DOCK7: variants seen among roughly 807,000 people sequenced by gnomAD.
The protein encoded by DOCK7 is dedicator of cytokinesis 7.
In DOCK7, 138 loss-of-function variants were observed where a neutral mutation model predicts 271.0. That is an observed-to-expected ratio of 0.51 (90% CI 0.44 to 0.59). DOCK7 has a LOEUF of 0.59. DOCK7 is among the 20% of genes least tolerant of loss of function. The pLI is 0.00. For missense variants in DOCK7, 2,066 were observed against 2,592.4 expected (o/e 0.80, Z 4.41); for synonymous variants, 823 against 876.1 (o/e 0.94, Z 1.07).
intron 16 of DOCK7, among the ~76,000 whole-genome samples, chr1:62,580,267 A>G (rs981907041): frequency 2.0e-5 from 3 of 152,188 alleles, no homozygotes; most frequent in African/African-American, 7.2e-5. Flanking sequence ...TTGATAATAA[A>G]CAAGAAAGAT....
chr1:62,654,683 A>AAAT (rs1170076717), intron 2 of DOCK7, among the ~76,000 whole-genome samples: 4 of 152,224 alleles, frequency 2.6e-5, no homozygotes. Flanking sequence ...AAAAAATAAA[A>AAAT]AATAAAACAG....
At chr1:62,625,424 A>G (rs996191194) in intron 11 of DOCK7, 23 bp from the exon 12 acceptor site, 2 of 1,567,004 alleles carry the variant, frequency 1.3e-6, no homozygotes, top group Admixed American at 3.9e-5. Flanking sequence ...TAAAAAAAAA[A>G]TTCATTTTCA....
At chr1:62,463,763 A>G (rs1480593389) in intron 48 of DOCK7, among the ~76,000 whole-genome samples, 1 of 152,176 alleles carries the variant, frequency 6.6e-6, no homozygotes. Context: ...TAGAACTATA[A>G]AGACAAGAAA....
intron 2 of DOCK7, among the ~76,000 whole-genome samples, chr1:62,660,873 A>G (rs1239902303): frequency 6.6e-6 from 1 of 152,176 alleles, no homozygotes; most frequent in Non-Finnish European, 1.5e-5. Context: ...GAGGCCAAAG[A>G]GGATCACTTG....
At chr1:62,518,745 C>T (rs1644752515) in intron 31 of DOCK7, among the ~76,000 whole-genome samples, 1 of 150,976 alleles carries the variant, frequency 6.6e-6, no homozygotes, top group Admixed American at 6.6e-5. Flanking sequence ...TTCTCAACAA[C>T]AGCAACAACA....
At chr1:62,648,358 A>G in intron 5 of DOCK7, 40 bp from the exon 6 acceptor site, 4 of 1,427,730 alleles carry the variant, frequency 2.8e-6, no homozygotes, top group Non-Finnish European at 3.7e-6. Context: ...ATTAATTAAT[A>G]AATTGACAAC....
intron 44 of DOCK7, among the ~76,000 whole-genome samples, chr1:62,476,811 A>G (rs1645981828): frequency 6.6e-6 from 1 of 152,256 alleles, no homozygotes. Flanking sequence ...GGTAATTTTT[A>G]TAATTGAGTA....
At chr1:62,536,371 A>T (rs1369925741) in intron 28 of DOCK7, among the ~76,000 whole-genome samples, 1 of 152,244 alleles carries the variant, frequency 6.6e-6, no homozygotes, top group African/African-American at 2.4e-5. Context: ...TTCTATGAGC[A>T]TTTCCTGGCT....
In DOCK7 at chr1:62,644,729, T is replaced by C. The variant is rs149905496; in HGVS notation, c.818+2962A>G. Among the ~76,000 whole-genome samples the C allele has an allele frequency of 6.6e-5, 10 of 152,324 alleles. No homozygotes were observed. The East Asian group carries it at 1.9e-3, about 29-fold the overall frequency. ...ATGTAAGAGAAATGATTTTCAAAAA[T>C]ATATCAGTTTCTATAGTTAGCTAAA... On this transcript the variant is annotated intron_variant, in intron 7 of 49. Coordinates refer to ENST00000635253, the MANE Select transcript of DOCK7 (RefSeq NM_001367561.1).
chr1:62,658,733 T>C (rs1157350540), intron 2 of DOCK7, among the ~76,000 whole-genome samples: 1 of 151,982 alleles, frequency 6.6e-6, no homozygotes, highest in Non-Finnish European at 1.5e-5. Context: ...GTGGATCGAC[T>C]GAGCTCAGGA....
intron 12 of DOCK7, among the ~76,000 whole-genome samples, chr1:62,622,595 A>T (rs912744392): frequency 7.9e-5 from 12 of 151,984 alleles, no homozygotes; most frequent in African/African-American, 2.9e-4. Context: ...CTGGGACTAC[A>T]GGTATACACC....
rs758406848 is a variant in DOCK7, at chr1:62,578,809, T to C, written c.2010+19A>G. 9.6e-6 allele frequency: 15 copies of C among 1,567,844 alleles called. No individual in the cohort carries two copies. The highest frequency in any genetic ancestry group is 1.3e-5 in the Non-Finnish European group (15 of 1,162,954). ...TTATTTTAGCTCTTTGATCTAAATA[T>C]TGAACCAAAAGGACTCACTGTATAT... is the stretch of plus-strand genomic sequence containing the variant. On this transcript the variant is annotated intron_variant, in intron 17 of 49. Coordinates refer to ENST00000635253, the MANE Select transcript of DOCK7 (RefSeq NM_001367561.1).
chr1:62,543,785 C>A (rs549603947), intron 23 of DOCK7, 40 bp from the exon 24 acceptor site: 17 of 1,449,142 alleles, frequency 1.2e-5, no homozygotes, highest in Non-Finnish European at 1.5e-5. Flanking sequence ...ATAACATTAA[C>A]GTTTGCAGTG....
intron 49 of DOCK7, 63 bp from the exon 50 acceptor site, chr1:62,455,519 T>A: frequency 6.8e-7 from 1 of 1,480,956 alleles, no homozygotes; most frequent in Non-Finnish European, 9.4e-7. Flanking sequence ...TACCTTTAAA[T>A]GTCTTACATG....
chr1:62,510,558 A>T lies in DOCK7; in HGVS notation c.4379+19T>A. The stretch of plus-strand genomic sequence containing the variant: ...ATTCAACACACCCATCAGTAACATA[A>T]AATAGAAAGCTGTATTACTTGTCAA... On this transcript the variant is annotated intron_variant, in intron 34 of 49. Transcript: ENST00000635253. The T allele has an allele frequency of 6.3e-7, 1 of 1,593,798 alleles. No individual in the cohort carries two copies. Among genetic ancestry groups the T allele is most frequent in the Non-Finnish European group, 8.6e-7 (1 of 1,167,780 alleles).
At chr1:62,645,904 T>C (rs1050024244) in intron 7 of DOCK7, among the ~76,000 whole-genome samples, 8 of 152,114 alleles carry the variant, frequency 5.3e-5, no homozygotes, top group East Asian at 1.9e-4. Context: ...TCCCAGCACT[T>C]TGGGAGGCTG....
chr1:62,542,138 A>G (rs1645555473), intron 25 of DOCK7, among the ~76,000 whole-genome samples: 1 of 152,132 alleles, frequency 6.6e-6, no homozygotes, highest in East Asian at 1.9e-4. Context: ...TCGGCCTTCT[A>G]AAGTGCTGAG....
chr1:62,564,915 A>G (rs1290776304), intron 18 of DOCK7, among the ~76,000 whole-genome samples: 2 of 152,212 alleles, frequency 1.3e-5, no homozygotes, highest in African/African-American at 4.8e-5. Flanking sequence ...GGAATACTAT[A>G]AACACCTCTA....
rs773240494 is a variant in DOCK7 at position 62,543,624 on chromosome 1, C to T, written c.2949+32G>A. The T allele has an allele frequency of 1.2e-5, 18 of 1,467,814 alleles. No individual in the cohort carries two copies. The South Asian group carries it at 1.8e-4, about 15-fold the overall frequency. 90.9% of individuals were successfully genotyped at this position (1,467,814 alleles called of 1,614,324 possible). On this transcript the variant is annotated intron_variant, in intron 24 of 49. Coordinates refer to ENST00000635253, the MANE Select transcript of DOCK7 (RefSeq NM_001367561.1). ...CTATTTAATTGGTGAAATTATTTTCCCCCTCTATGAATTGTCTTCATATGA... is the reference window on the plus strand; with the variant it reads ...CTATTTAATTGGTGAAATTATTTTCTCCCTCTATGAATTGTCTTCATATGA...
Sources: allele counts gnomAD v4.1 joint callset (sites outside exome capture counted in the v4.1 genomes callset), GRCh38; gene constraint gnomAD v4.1.1; transcripts MANE v1.5; gene names NCBI Gene and HGNC (gene_info 2026-07-23, HGNC 2026-07-21).